RAB11FIP4: variants seen among roughly 807,000 people sequenced by gnomAD.
RAB11FIP4 encodes rab11 family-interacting protein 4.
RAB11FIP4 carries 23 observed loss-of-function variants against 74.3 expected under a neutral mutation model. The observed-to-expected ratio is 0.31, with a 90% CI of 0.22 to 0.44. RAB11FIP4 has a LOEUF of 0.44. Among genes scored for constraint, RAB11FIP4 ranks in the 20% least tolerant of loss-of-function variants. The pLI is 1.00. For synonymous variants in RAB11FIP4, 360 were observed against 359.9 expected (o/e 1.00, Z 0.00); for missense variants, 630 against 863.9 (o/e 0.73, Z 3.39).
chr17:31,505,485 ATAAT>A (rs2072306622), intron 3 of RAB11FIP4, among the ~76,000 whole-genome samples: 1 of 92,942 alleles, frequency 1.1e-5, no homozygotes, highest in Admixed American at 1.8e-4. Context: ...ATTATAATAT[ATAAT>A]ATATAATTAT....
intron 3 of RAB11FIP4, among the ~76,000 whole-genome samples, chr17:31,480,979 A>T (rs956656527): frequency 5.3e-5 from 8 of 152,164 alleles, no homozygotes; most frequent in Non-Finnish European, 7.4e-5. Context: ...AAGACTTGGT[A>T]CTGATCAAGG....
intron 3 of RAB11FIP4, among the ~76,000 whole-genome samples, chr17:31,495,765 G>T (rs760322559): frequency 6.6e-6 from 1 of 152,188 alleles, no homozygotes; most frequent in Admixed American, 6.5e-5. Flanking sequence ...ATGATTATCT[G>T]CACGATTGCA....
Position 31,446,696 on chromosome 17 carries a change from A to G in RAB11FIP4, c.336+12574A>G, listed in dbSNP as rs1269699727. Among the ~76,000 whole-genome samples the G allele has an allele frequency of 5.9e-5, 9 of 152,112 alleles. No individual in the cohort carries two copies. In the East Asian group the frequency reaches 1.6e-3, roughly 26 times the overall value. On this transcript the variant is annotated intron_variant, in intron 3 of 14. Coordinates refer to ENST00000621161, the MANE Select transcript of RAB11FIP4 (RefSeq NM_032932.6). ...TTATCTGAGATAATGTGGGGAAGAAATCCAAGCCCCTAAGATACACTGGAC... is the reference window on the plus strand; with the variant it reads ...TTATCTGAGATAATGTGGGGAAGAAGTCCAAGCCCCTAAGATACACTGGAC...
In RAB11FIP4 at chr17:31,487,743, G is replaced by C. The variant is rs148036020; in HGVS notation, c.337-29908G>C. 7.7e-3 allele frequency among the ~76,000 whole-genome samples: 1,177 copies of C among 152,210 alleles called. 16 individuals are homozygous for C. Among genetic ancestry groups the C allele is most frequent in the African/African-American group, 0.027 (1,122 of 41,550 alleles). Reference sequence around the variant, plus strand: ...CGCAGAACGGGCAAGAGACTACAGCGCCTACCTGGCAGGGGCGCGAGCTCA... The same window carrying C: ...CGCAGAACGGGCAAGAGACTACAGCCCCTACCTGGCAGGGGCGCGAGCTCA... On this transcript the variant is annotated intron_variant, in intron 3 of 14. Transcript: ENST00000621161.
rs774384637 is a variant in RAB11FIP4, at chr17:31,523,937, C to T, written c.1074C>T (p.Ser358=). 2.5e-6 allele frequency: 4 copies of T among 1,612,706 alleles called. No homozygotes were observed. The highest frequency in any genetic ancestry group is 2.5e-6 in the Non-Finnish European group (3 of 1,179,574). The change falls in exon 9 of 15, where the codon AGC becomes AGT. Residue 358 remains serine (S), a synonymous_variant. Coordinates refer to ENST00000621161, the MANE Select transcript of RAB11FIP4 (RefSeq NM_032932.6). ...AGGTGACAGAGCTGGAGAATGACAG[C>T]CTGACCAATGGGGACCTGAAGAGCA... ...EKKVTELEND[S]LTNGDLKSKL...
Position 31,521,345 on chromosome 17 carries a change from C to G in RAB11FIP4, c.743C>G (p.Ser248Cys). 6.2e-7 allele frequency: 1 copy of G among 1,603,222 alleles called. No individual in the cohort carries two copies. The highest frequency in any genetic ancestry group is 8.5e-7 in the Non-Finnish European group (1 of 1,174,288). ...TRTNVYSDLG[S>C]SVSSSAGQTP... ...ACCAACGTCTACTCGGACCTGGGGT[C>G]TTCGGTGTCTTCCAGGTGGCCCCTT... is the stretch of plus-strand genomic sequence containing the variant. Residue 248 changes from serine to cysteine, a missense_variant, in exon 5 of 15, where the codon TCT becomes TGT. Physicochemically the swap from Ser to Cys is moderately radical, Grantham distance 112. Transcript: ENST00000621161.
At chr17:31,490,427 G>C (rs1297447858) in intron 3 of RAB11FIP4, among the ~76,000 whole-genome samples, 1 of 152,216 alleles carries the variant, frequency 6.6e-6, no homozygotes, top group African/African-American at 2.4e-5. Context: ...AGGAGGGGGT[G>C]AAGGGGGTAG....
chr17:31,431,025 T>C (rs1210724140), intron 1 of RAB11FIP4, among the ~76,000 whole-genome samples: 2 of 151,892 alleles, frequency 1.3e-5, no homozygotes, highest in African/African-American at 4.8e-5. Flanking sequence ...AAGTCAAGGA[T>C]CTGAGAGGCC....
At chr17:31,531,098 C>T (rs554833587) in intron 14 of RAB11FIP4, 28 of 159,402 alleles carry the variant, frequency 1.8e-4, no homozygotes, top group Admixed American at 1.1e-3. Context: ...GCCTGGGACA[C>T]GGGGTGAAGA....
chr17:31,525,701 A>G (rs116018799), intron 10 of RAB11FIP4: 7,815 of 175,052 alleles, frequency 0.045, 257 homozygotes, highest in Non-Finnish European at 0.059. Flanking sequence ...TTGGTCTCCC[A>G]TTAGCTCCAT....
intron 1 of RAB11FIP4, among the ~76,000 whole-genome samples, chr17:31,395,118 C>G (rs1442643967): frequency 6.6e-6 from 1 of 151,892 alleles, no homozygotes; most frequent in Non-Finnish European, 1.5e-5. Context: ...TACCACCTAC[C>G]CCCAGAATAC....
intron 1 of RAB11FIP4, among the ~76,000 whole-genome samples, chr17:31,420,566 C>G (rs2071189387): frequency 6.6e-6 from 1 of 151,528 alleles, no homozygotes; most frequent in Non-Finnish European, 1.5e-5. Flanking sequence ...TATTCTCTCT[C>G]TCTTTCTCTC....
intron 3 of RAB11FIP4, among the ~76,000 whole-genome samples, chr17:31,484,213 A>C (rs2071878597): frequency 6.6e-6 from 1 of 151,654 alleles, no homozygotes; most frequent in Non-Finnish European, 1.5e-5. Flanking sequence ...TGGGATTACA[A>C]GCGCTCGCCA....
rs1206641767 is a variant in RAB11FIP4 at position 31,532,876 on chromosome 17, TC to T, written c.*1146del. 1 of 152,186 alleles carries T rather than the reference TC, an allele frequency of 6.6e-6. No homozygotes were observed. Among genetic ancestry groups the T allele is most frequent in the Admixed American group, 6.5e-5 (1 of 15,280 alleles). The allele number at this position is 152,186 out of a possible 1,614,324, so 9.4% of individuals were successfully genotyped here. On this transcript the variant is annotated 3_prime_UTR_variant, in exon 15 of 15. Transcript: ENST00000621161. ...GAAAGTTGCAGGAAAACCTTAGTCT[TC>T]CATCCTTCTGACCCATGGTGGAAAT... is the stretch of plus-strand genomic sequence containing the variant.
chr17:31,500,896 G>T (rs559547083), intron 3 of RAB11FIP4, among the ~76,000 whole-genome samples: 2 of 152,054 alleles, frequency 1.3e-5, no homozygotes, highest in South Asian at 2.1e-4. Flanking sequence ...GATGGCACGC[G>T]CCTGTAGTCC....
intron 3 of RAB11FIP4, among the ~76,000 whole-genome samples, chr17:31,498,137 C>T (rs2072151344): frequency 6.6e-6 from 1 of 152,072 alleles, no homozygotes; most frequent in South Asian, 2.1e-4. Flanking sequence ...GGGGAGCTCA[C>T]AAGCTCTTAG....
intron 1 of RAB11FIP4, among the ~76,000 whole-genome samples, chr17:31,415,316 CT>C (rs1232418735): frequency 6.6e-6 from 1 of 152,208 alleles, no homozygotes; most frequent in Non-Finnish European, 1.5e-5. Flanking sequence ...ATAGTGGTGA[CT>C]GACGAATCTG....
chr17:31,475,961 A>C (rs756661495), intron 3 of RAB11FIP4, among the ~76,000 whole-genome samples: 3 of 152,164 alleles, frequency 2.0e-5, no homozygotes, highest in Admixed American at 6.5e-5. Context: ...AATGTTAATG[A>C]ATCAACAATA....
intron 2 of RAB11FIP4, 50 bp downstream of exon 2, chr17:31,431,950 C>G (rs1467519405): frequency 7.3e-7 from 1 of 1,368,738 alleles, no homozygotes; most frequent in Non-Finnish European, 1.0e-6. Flanking sequence ...TCCTGCCCAG[C>G]TGGGGAAGCT....
Sources: allele counts gnomAD v4.1 joint callset (sites outside exome capture counted in the v4.1 genomes callset), GRCh38; gene constraint gnomAD v4.1.1; transcripts MANE v1.5; gene names NCBI Gene and HGNC (gene_info 2026-07-23, HGNC 2026-07-21).